Variants in DNAH14 observed in about 807,000 individuals in gnomAD.
The protein encoded by DNAH14 is axonemal beta dynein heavy chain 14.
In DNAH14, 478 loss-of-function variants were observed where a neutral mutation model predicts 520.9. That is an observed-to-expected ratio of 0.92 (90% CI 0.85 to 0.99). The LOEUF (loss-of-function observed/expected upper bound fraction) is 0.99, where lower values mean the gene tolerates loss of function less well. DNAH14 is among the 50% of genes least tolerant of loss of function. The pLI is 0.00. For missense variants in DNAH14, 4,831 were observed against 5,234.5 expected (o/e 0.92, Z 2.38); for synonymous variants, 1,581 against 1,757.2 (o/e 0.90, Z 2.51).
intron 61 of DNAH14, among the ~76,000 whole-genome samples, chr1:225,318,985 G>C (rs2094514088): frequency 6.6e-6 from 1 of 152,120 alleles, no homozygotes; most frequent in South Asian, 2.1e-4. Context: ...CAGTCTCTTT[G>C]ATGTAAAAAT....
chr1:225,393,440 G>C (rs148704817), intron 84 of DNAH14, among the ~76,000 whole-genome samples: 2 of 152,336 alleles, frequency 1.3e-5, no homozygotes, highest in East Asian at 3.9e-4. Context: ...ACTGCAGGCA[G>C]TGTAACACAA....
chr1:225,055,881 C>T (rs2069020216), intron 17 of DNAH14, among the ~76,000 whole-genome samples: 1 of 152,134 alleles, frequency 6.6e-6, no homozygotes, highest in African/African-American at 2.4e-5. Flanking sequence ...TTTTTTATGG[C>T]TGCATAGTAT....
chr1:224,968,037 GT>G (rs2061296119), intron 6 of DNAH14: 7 of 832,242 alleles, frequency 8.4e-6, no homozygotes, highest in Non-Finnish European at 8.8e-6. Context: ...TTAATGATTT[GT>G]TTAATGTCTG....
chr1:225,325,412 G>C (rs2150233187), intron 64 of DNAH14, among the ~76,000 whole-genome samples: 1 of 151,188 alleles, frequency 6.6e-6, no homozygotes, highest in Non-Finnish European at 1.5e-5. Flanking sequence ...TTGAACCCGG[G>C]AGAAGGAGAT....
At chr1:224,960,118 A>T in intron 3 of DNAH14, 35 bp from the exon 4 acceptor site, 1 of 1,524,548 alleles carries the variant, frequency 6.6e-7, no homozygotes, top group Non-Finnish European at 8.8e-7. Context: ...TACAGCTCAC[A>T]CTAGTTATTC....
At chr1:225,029,170 CA>C (rs952224942) in intron 11 of DNAH14, among the ~76,000 whole-genome samples, 1 of 151,946 alleles carries the variant, frequency 6.6e-6, no homozygotes, top group African/African-American at 2.4e-5. Context: ...AAGCCAGACT[CA>C]AAACACTATA....
intron 8 of DNAH14, among the ~76,000 whole-genome samples, chr1:224,982,459 G>C (rs928759288): frequency 6.6e-6 from 1 of 152,170 alleles, no homozygotes; most frequent in African/African-American, 2.4e-5. Context: ...CTGATGCTCC[G>C]TGTGAGGAAA....
chr1:225,365,509 A>T (rs1558532628), intron 76 of DNAH14, among the ~76,000 whole-genome samples: 1 of 152,176 alleles, frequency 6.6e-6, no homozygotes, highest in African/African-American at 2.4e-5. Flanking sequence ...AATCAGGTGG[A>T]TGAGGCACTT....
At chr1:225,046,899 C>T (rs2068013950) in intron 15 of DNAH14, among the ~76,000 whole-genome samples, 1 of 152,108 alleles carries the variant, frequency 6.6e-6, no homozygotes, top group Admixed American at 6.5e-5. Flanking sequence ...CTTCAATATA[C>T]CTCCATCCTT....
chr1:225,334,138 G>C (rs1239119173), intron 66 of DNAH14, among the ~76,000 whole-genome samples: 2 of 152,100 alleles, frequency 1.3e-5, no homozygotes, highest in African/African-American at 4.8e-5. Context: ...AAATGTTCCA[G>C]TAACAAGTCT....
intron 79 of DNAH14, among the ~76,000 whole-genome samples, chr1:225,378,036 A>G (rs902213045): frequency 1.8e-4 from 28 of 152,142 alleles, no homozygotes; most frequent in African/African-American, 6.8e-4. Context: ...ATCATAAATC[A>G]GTTTCTCAAT....
At chr1:225,134,912 G>T (rs969325057) in intron 27 of DNAH14, among the ~76,000 whole-genome samples, 2 of 152,054 alleles carry the variant, frequency 1.3e-5, no homozygotes, top group Non-Finnish European at 2.9e-5. Context: ...CTCATTATTG[G>T]TCTATTCAGG....
chr1:225,193,748 G>A (rs934441768), intron 38 of DNAH14, among the ~76,000 whole-genome samples: 1 of 152,022 alleles, frequency 6.6e-6, no homozygotes, highest in Non-Finnish European at 1.5e-5. Flanking sequence ...TAAGAAGAGA[G>A]GAAGTTAAAC....
Position 225,346,091 on chromosome 1 carries a change from ATC to A in DNAH14, c.10811_10812del (p.Leu3604ProfsTer15). 6.4e-7 allele frequency: 1 copy of A among 1,551,698 alleles called. No homozygotes were observed. Among genetic ancestry groups the A allele is most frequent in the Non-Finnish European group, 8.7e-7 (1 of 1,146,988 alleles). On this transcript the variant is annotated frameshift_variant, in exon 70 of 86. Transcript: ENST00000682510. LOFTEE classifies it high-confidence loss of function. Reference sequence around the variant, plus strand: ...GAAATCCAAGCAATACGTAAAAACTATCTCCCCATTGCGACCCGAGGCGCCCT... The same window carrying A: ...GAAATCCAAGCAATACGTAAAAACTATCCCCATTGCGACCCGAGGCGCCCT...
At chr1:225,208,739 A>C (rs1034336260) in intron 41 of DNAH14, among the ~76,000 whole-genome samples, 1 of 152,136 alleles carries the variant, frequency 6.6e-6, no homozygotes, top group Non-Finnish European at 1.5e-5. Context: ...TGTTAGATAG[A>C]TAAATTTTCC....
chr1:225,282,497 T>C (rs1041573906), intron 54 of DNAH14, among the ~76,000 whole-genome samples: 2 of 152,200 alleles, frequency 1.3e-5, no homozygotes, highest in Non-Finnish European at 1.5e-5. Flanking sequence ...CCGAGGCAAG[T>C]ATTCAATGTT....
intron 36 of DNAH14, among the ~76,000 whole-genome samples, chr1:225,171,662 C>G (rs1390299458): frequency 6.6e-6 from 1 of 152,116 alleles, no homozygotes; most frequent in Non-Finnish European, 1.5e-5. Context: ...CAGGACCAGA[C>G]AGATTCACAG....
intron 48 of DNAH14, among the ~76,000 whole-genome samples, chr1:225,265,795 A>G (rs1334160555): frequency 6.6e-6 from 1 of 152,116 alleles, no homozygotes; most frequent in Non-Finnish European, 1.5e-5. Context: ...CTTTGCCTAC[A>G]TAGGTAAACT....
chr1:225,334,908 G>GTGTGTGTATA (rs58202867), intron 66 of DNAH14, among the ~76,000 whole-genome samples: 5 of 146,376 alleles, frequency 3.4e-5, no homozygotes, highest in Admixed American at 2.7e-4. Context: ...GTGTGTGTGT[G>GTGTGTGTATA]TATATGTATA....
Sources: allele counts gnomAD v4.1 joint callset (sites outside exome capture counted in the v4.1 genomes callset), GRCh38; gene constraint gnomAD v4.1.1; transcripts MANE v1.5; gene names NCBI Gene and HGNC (gene_info 2026-07-23, HGNC 2026-07-21).